KIFAP3: variants seen among roughly 807,000 people sequenced by gnomAD.
KIFAP3 encodes kinesin associated protein 3.
KIFAP3 carries 68 observed loss-of-function variants against 106.5 expected under a neutral mutation model. The observed-to-expected ratio is 0.64, with a 90% confidence interval of 0.53 to 0.78. KIFAP3 has a LOEUF of 0.78. Among genes scored for constraint, KIFAP3 ranks in the 30% least tolerant of loss-of-function variants. The probability of loss-of-function intolerance (pLI) is 0.00; values close to 1 mark genes in which losing one functional copy is unlikely to be tolerated. For synonymous variants in KIFAP3, 320 were observed against 311.5 expected (o/e 1.03, Z -0.29); for missense variants, 780 against 941.8 (o/e 0.83, Z 2.25).
chr1:169,968,334 A>G (rs1665735085), intron 17 of KIFAP3, among the ~76,000 whole-genome samples: 1 of 151,670 alleles, frequency 6.6e-6, no homozygotes. Flanking sequence ...TATCAGGAAA[A>G]CTCTTTGTCA....
intron 1 of KIFAP3, among the ~76,000 whole-genome samples, chr1:170,061,869 T>C (rs937006327): frequency 6.6e-6 from 1 of 152,174 alleles, no homozygotes; most frequent in African/African-American, 2.4e-5. Context: ...TGTAGGGACA[T>C]GGATGAAGCT....
intron 18 of KIFAP3, among the ~76,000 whole-genome samples, chr1:169,960,579 C>T (rs369486923): frequency 2.0e-5 from 3 of 151,994 alleles, no homozygotes; most frequent in African/African-American, 4.8e-5. Flanking sequence ...CTCTAAAGTG[C>T]CTAAATCGTC....
chr1:170,072,964 A>C (rs2102180934), intron 1 of KIFAP3, among the ~76,000 whole-genome samples: 1 of 152,336 alleles, frequency 6.6e-6, no homozygotes, highest in Non-Finnish European at 1.5e-5. Flanking sequence ...GGAACTCTAG[A>C]TAGTATGTAT....
intron 10 of KIFAP3, among the ~76,000 whole-genome samples, chr1:169,997,256 T>C (rs1667410930): frequency 6.6e-6 from 1 of 152,210 alleles, no homozygotes; most frequent in Non-Finnish European, 1.5e-5. Flanking sequence ...AAGGTTGTTG[T>C]GTGAGGATGA....
chr1:169,992,332 A>T (rs565368766), intron 10 of KIFAP3, 77 bp from the exon 11 acceptor site: 14 of 567,130 alleles, frequency 2.5e-5, no homozygotes, highest in African/African-American at 2.4e-4. Context: ...ATGTACTACA[A>T]CTTAAACTAC....
chr1:169,944,074 T>C (rs1664288072), intron 19 of KIFAP3, among the ~76,000 whole-genome samples: 1 of 152,192 alleles, frequency 6.6e-6, no homozygotes, highest in Admixed American at 6.5e-5. Context: ...CTGAGTATTG[T>C]TTGCGCCCGC....
Position 169,967,912 on chromosome 1 carries a change from T to A in KIFAP3, c.1983+4601A>T, listed in dbSNP as rs138426639. Among the ~76,000 whole-genome samples, 80 of 151,854 alleles carry A rather than the reference T, an allele frequency of 5.3e-4. 3 individuals are homozygous for A. In the East Asian group the frequency reaches 0.014, roughly 27 times the overall value. ...ACTCCCCTATACCCCCAGCCCCATA[T>A]CAGAAAATAATTATGAGAATTCAGG... On this transcript the variant is annotated intron_variant, in intron 17 of 19. Transcript: ENST00000361580.
At chr1:170,060,246 T>C (rs1043186573) in intron 1 of KIFAP3, among the ~76,000 whole-genome samples, 2 of 152,210 alleles carry the variant, frequency 1.3e-5, no homozygotes, top group African/African-American at 2.4e-5. Context: ...GATGACATGA[T>C]TGTGTATTTA....
intron 1 of KIFAP3, among the ~76,000 whole-genome samples, chr1:170,070,652 T>C (rs1470090201): frequency 5.9e-5 from 9 of 152,092 alleles, no homozygotes; most frequent in Admixed American, 5.2e-4. Flanking sequence ...CCATATACCA[T>C]AGACAATAAC....
chr1:170,037,840 T>C (rs541243421), intron 5 of KIFAP3, among the ~76,000 whole-genome samples: 3 of 152,254 alleles, frequency 2.0e-5, no homozygotes, highest in South Asian at 4.2e-4. Context: ...GTTAAAAACA[T>C]TCTATCTCCT....
chr1:169,960,990 C>T (rs1432907337), intron 18 of KIFAP3, 56 bp downstream of exon 18: 1 of 1,421,436 alleles, frequency 7.0e-7, no homozygotes, highest in African/African-American at 1.4e-5. Context: ...GGCTGGCCGA[C>T]TAAAATCTCT....
intron 10 of KIFAP3, among the ~76,000 whole-genome samples, chr1:170,010,284 C>A (rs1459095873): frequency 6.6e-6 from 1 of 151,768 alleles, no homozygotes; most frequent in Non-Finnish European, 1.5e-5. Context: ...AGGGAAAGAT[C>A]AAAACTACTC....
chr1:169,946,117 T>C (rs745890015), intron 19 of KIFAP3, among the ~76,000 whole-genome samples: 2 of 152,202 alleles, frequency 1.3e-5, no homozygotes, highest in African/African-American at 2.4e-5. Flanking sequence ...TTTAAAACAA[T>C]GCAAAAATTT....
chr1:169,978,193 A>C lies in KIFAP3; in HGVS notation c.1799-10T>G. On this transcript the variant is annotated splice_polypyrimidine_tract_variant and intron_variant, in intron 15 of 19. Coordinates refer to ENST00000361580, the MANE Select transcript of KIFAP3 (RefSeq NM_014970.4). ...TCATCTTCTTGTTGAGCTGTAAATA[A>C]ACAAAAAATTCAAATAAAGAATACT... The C allele has an allele frequency of 6.4e-7, 1 of 1,563,616 alleles. No individual in the cohort carries two copies. Among genetic ancestry groups the C allele is most frequent in the Non-Finnish European group, 8.8e-7 (1 of 1,135,336 alleles).
intron 19 of KIFAP3, among the ~76,000 whole-genome samples, chr1:169,952,872 C>T (rs972298778): frequency 3.9e-4 from 60 of 152,118 alleles, no homozygotes; most frequent in African/African-American, 1.3e-3. Context: ...ATTAAAATAA[C>T]GCTACAAGTG....
chr1:170,057,739 G>T (rs536478268), intron 1 of KIFAP3, among the ~76,000 whole-genome samples: 1 of 151,542 alleles, frequency 6.6e-6, no homozygotes, highest in Non-Finnish European at 1.5e-5. Flanking sequence ...ATTTCCAAAC[G>T]TTCTACTTGA....
At chr1:170,002,547 A>G (rs1403827557) in intron 10 of KIFAP3, among the ~76,000 whole-genome samples, 1 of 152,184 alleles carries the variant, frequency 6.6e-6, no homozygotes, top group Non-Finnish European at 1.5e-5. Flanking sequence ...GCACAGATTT[A>G]AAACTCTTAA....
chr1:169,937,747 A>G (rs1482199147), intron 19 of KIFAP3, among the ~76,000 whole-genome samples: 2 of 151,848 alleles, frequency 1.3e-5, no homozygotes, highest in Admixed American at 1.3e-4. Context: ...CATCTTCTAA[A>G]GTTACACCAT....
chr1:170,002,136 A>G (rs996392624), intron 10 of KIFAP3, among the ~76,000 whole-genome samples: 12 of 152,180 alleles, frequency 7.9e-5, no homozygotes, highest in African/African-American at 2.4e-4. Context: ...GACTTGTCTA[A>G]ACCGGAAGAA....
Sources: gnomAD v4.1 joint callset for allele counts (sites outside exome capture counted in the v4.1 genomes callset) on GRCh38, gnomAD v4.1.1 for gene constraint, MANE v1.5 for transcripts, NCBI Gene and HGNC (gene_info 2026-07-23, HGNC 2026-07-21) for gene names.